The following OR51B5 variants were observed in gnomAD, a reference collection of about 807,000 sequenced individuals.
OR51B5 encodes olfactory receptor family 51 subfamily B member 5.
For missense variants in OR51B5, 456 were observed against 374.6 expected (o/e 1.22, Z -1.79); for synonymous variants, 186 against 144.8 (o/e 1.28, Z -2.04).
rs1487148231 is a variant in OR51B5, at chr11:5,418,295, A to G, written n.85-71385T>C. 2.6e-5 allele frequency among the ~76,000 whole-genome samples: 4 copies of G among 152,078 alleles called. No individual in the cohort carries two copies. The East Asian group carries it at 7.7e-4, about 29-fold the overall frequency. ...GGGTAGGGATAGCATTGGGAGATAT[A>G]CCTAATGCTAGATGACGAGTTAGTG... On this transcript the variant is annotated intron_variant and non_coding_transcript_variant, in intron 1 of 4. Coordinates refer to the OR51B5 transcript ENST00000415970.
At chr11:5,350,329 T>G (rs1233290782) in intron 1 of OR51B5, among the ~76,000 whole-genome samples, 1 of 152,210 alleles carries the variant, frequency 6.6e-6, no homozygotes, top group Admixed American at 6.5e-5. Context: ...CCAGTAATCT[T>G]GGATGCATTC....
intron 1 of OR51B5, among the ~76,000 whole-genome samples, chr11:5,388,306 T>C (rs1264361894): frequency 1.3e-5 from 2 of 151,710 alleles, no homozygotes; most frequent in African/African-American, 2.4e-5. Flanking sequence ...AATACAGAAA[T>C]TGACAATGCT....
intron 1 of OR51B5, among the ~76,000 whole-genome samples, chr11:5,356,850 C>T (rs1849202110): frequency 7.8e-6 from 1 of 128,660 alleles, no homozygotes; most frequent in Admixed American, 7.8e-5. Flanking sequence ...GAATTTTCAA[C>T]ACAGAATTTC....
chr11:5,473,828 A>G (rs1851264983), intron 1 of OR51B5, among the ~76,000 whole-genome samples: 2 of 151,144 alleles, frequency 1.3e-5, no homozygotes, highest in Admixed American at 6.6e-5. Context: ...AGGACAAAAA[A>G]TTTAATTGTT....
At chr11:5,398,981 T>C (rs1425786313) in intron 1 of OR51B5, among the ~76,000 whole-genome samples, 1 of 152,148 alleles carries the variant, frequency 6.6e-6, no homozygotes, top group Admixed American at 6.5e-5. Flanking sequence ...CATTCAGGAC[T>C]CCCAACCCCA....
intron 1 of OR51B5, chr11:5,392,184 T>A (rs780471536): frequency 6.6e-6 from 1 of 152,272 alleles, no homozygotes; most frequent in Non-Finnish European, 1.5e-5. Flanking sequence ...CATGTTTGTA[T>A]GTGTGGGTGT....
At chr11:5,400,942 C>T (rs2647589) in intron 1 of OR51B5, among the ~76,000 whole-genome samples, 55,723 of 151,854 alleles carry the variant, frequency 0.37, 10,281 homozygotes, top group South Asian at 0.43. Context: ...TCAGCACATG[C>T]GGGAAGCATG....
intron 1 of OR51B5, among the ~76,000 whole-genome samples, chr11:5,429,799 T>G (rs1181458869): frequency 6.6e-6 from 1 of 152,192 alleles, no homozygotes; most frequent in Non-Finnish European, 1.5e-5. Flanking sequence ...TCAGACTTAT[T>G]TGCCAATAAG....
chr11:5,467,259 GT>G (rs1175949381), intron 1 of OR51B5, among the ~76,000 whole-genome samples: 1 of 152,136 alleles, frequency 6.6e-6, no homozygotes, highest in Admixed American at 6.5e-5. Flanking sequence ...TCATCTGTAA[GT>G]TTTAATTTTG....
At chr11:5,501,586 A>C (rs1276398399) in intron 1 of OR51B5, among the ~76,000 whole-genome samples, 1 of 147,476 alleles carries the variant, frequency 6.8e-6, no homozygotes, top group African/African-American at 2.4e-5. Flanking sequence ...TCTAGAACAC[A>C]CCAAGCGCCC....
At chr11:5,390,247 T>C in intron 1 of OR51B5, 1 of 1,614,032 alleles carries the variant, frequency 6.2e-7, no homozygotes, top group African/African-American at 1.3e-5. Context: ...CCCCACCTGC[T>C]ATTCATCTTC....
chr11:5,348,434 CA>C (rs1398663287), upstream of OR51B5, among the ~76,000 whole-genome samples: 4 of 145,480 alleles, frequency 2.7e-5, no homozygotes, highest in Non-Finnish European at 4.7e-5. Context: ...TCAACTCTTC[CA>C]AATTCTTGAG....
At chr11:5,414,652 A>G (rs1433820731) in intron 1 of OR51B5, among the ~76,000 whole-genome samples, 4 of 152,140 alleles carry the variant, frequency 2.6e-5, no homozygotes, top group African/African-American at 7.2e-5. Context: ...GATAAAACAG[A>G]CTTTAAACCA....
intron 1 of OR51B5, among the ~76,000 whole-genome samples, chr11:5,428,272 CA>C (rs146834692): frequency 0.1 from 15,477 of 151,010 alleles, 1,121 homozygotes; most frequent in African/African-American, 0.21. Flanking sequence ...GTGAATATTG[CA>C]AAAAAAAGAG....
intron 1 of OR51B5, among the ~76,000 whole-genome samples, chr11:5,459,336 G>A (rs575996003): frequency 2.0e-5 from 3 of 152,258 alleles, no homozygotes; most frequent in South Asian, 2.1e-4. Flanking sequence ...GCTCTTTGAT[G>A]TGCTGCTGGA....
chr11:5,423,949 T>C (rs1470183915), intron 1 of OR51B5, among the ~76,000 whole-genome samples: 1 of 152,228 alleles, frequency 6.6e-6, no homozygotes, highest in East Asian at 1.9e-4. Context: ...GTTCTTAATG[T>C]AGCTCTGCTT....
intron 1 of OR51B5, among the ~76,000 whole-genome samples, chr11:5,428,790 G>A (rs112948591): frequency 6.0e-4 from 91 of 152,294 alleles, no homozygotes; most frequent in African/African-American, 2.1e-3. Context: ...GACCATCATA[G>A]TCCCTCCCCC....
chr11:5,357,848 C>T (rs190195551), intron 1 of OR51B5, among the ~76,000 whole-genome samples: 76 of 151,646 alleles, frequency 5.0e-4, no homozygotes, highest in African/African-American at 1.8e-3. Flanking sequence ...CACTCAAAAC[C>T]GCTCAACTAC....
chr11:5,350,000 G>A (rs1380735911), intron 1 of OR51B5, among the ~76,000 whole-genome samples: 2 of 151,960 alleles, frequency 1.3e-5, no homozygotes, highest in East Asian at 3.9e-4. Flanking sequence ...TCTTATATCT[G>A]TTCCCAAGGC....
Sources: gnomAD v4.1 joint callset for allele counts (sites outside exome capture counted in the v4.1 genomes callset) on GRCh38, gnomAD v4.1.1 for gene constraint, MANE v1.5 for transcripts, NCBI Gene and HGNC (gene_info 2026-07-23, HGNC 2026-07-21) for gene names.